Variants in RANBP2 observed in about 807,000 individuals in gnomAD.
RANBP2 encodes E3 SUMO-protein ligase RanBP2.
RANBP2 carries 57 observed loss-of-function variants against 303.6 expected under a neutral mutation model. The observed-to-expected ratio is 0.19, with a 90% CI of 0.15 to 0.23. The LOEUF is 0.23. Among genes scored for constraint, RANBP2 ranks in the 10% least tolerant of loss-of-function variants. The probability of loss-of-function intolerance (pLI) is 1.00; values close to 1 mark genes in which losing one functional copy is unlikely to be tolerated. For synonymous variants in RANBP2, 1,167 were observed against 1,301.5 expected, an observed-to-expected ratio of 0.90 and a Z score of 2.23; for missense variants, 3,138 against 3,780.8, an observed-to-expected ratio of 0.83 and a Z score of 4.46.
At chr2:109,714,824 G>A in the RANBP2 span, among the ~76,000 whole-genome samples, 1 of 151,826 alleles carries the variant, frequency 6.6e-6, no homozygotes, top group Non-Finnish European at 1.5e-5. Flanking sequence ...TGACCAGACT[G>A]GTCTCAAACT....
the RANBP2 span, among the ~76,000 whole-genome samples, chr2:109,180,951 A>G: frequency 6.6e-6 from 1 of 152,190 alleles, no homozygotes; most frequent in Non-Finnish European, 1.5e-5. Flanking sequence ...TTCTCCATGC[A>G]ATATGTTTAC....
the RANBP2 span, chr2:108,846,857 T>G: frequency 6.2e-7 from 1 of 1,613,750 alleles, no homozygotes; most frequent in South Asian, 1.1e-5. Flanking sequence ...CAAAGACAGC[T>G]GCTTTCTTTA....
the RANBP2 span, among the ~76,000 whole-genome samples, chr2:108,907,198 A>G: frequency 6.6e-6 from 1 of 152,220 alleles, no homozygotes; most frequent in Admixed American, 6.5e-5. Context: ...GCATAGAAGA[A>G]AAACGTTGTG....
chr2:108,744,903 A>C (rs114988570), intron 7 of RANBP2, among the ~76,000 whole-genome samples: 1 of 152,218 alleles, frequency 6.6e-6, no homozygotes, highest in African/African-American at 2.4e-5. Context: ...AAACACATAT[A>C]TATCTCCTGT....
rs374018619 is a variant in RANBP2, at chr2:108,750,550, A to T, written c.1274-714A>T. ...TATACCTCTTTATGCTTCCAGAAGCACATAACCTTTTCTTTTCTTTTCTTT... is the reference window on the plus strand; with the variant it reads ...TATACCTCTTTATGCTTCCAGAAGCTCATAACCTTTTCTTTTCTTTTCTTT... On this transcript the variant is annotated intron_variant, in intron 9 of 28. Coordinates refer to ENST00000283195, the MANE Select transcript of RANBP2 (RefSeq NM_006267.5). Among the ~76,000 whole-genome samples, 7 of 125,422 alleles carry T rather than the reference A, an allele frequency of 5.6e-5. No homozygotes were observed. The South Asian group carries it at 1.7e-3, about 31-fold the overall frequency. The allele number at this position is 125,422 out of a possible 152,430, so 82.3% of individuals were successfully genotyped here.
the RANBP2 span, among the ~76,000 whole-genome samples, chr2:109,316,825 T>G: frequency 1.3e-5 from 2 of 152,244 alleles, no homozygotes; most frequent in African/African-American, 4.8e-5. Flanking sequence ...GGCCTCACCC[T>G]CTGGCTGCCG....
the RANBP2 span, among the ~76,000 whole-genome samples, chr2:108,886,745 A>C: frequency 6.6e-6 from 1 of 152,048 alleles, no homozygotes; most frequent in East Asian, 1.9e-4. Context: ...ATTTAAAAAA[A>C]AAATTTAACT....
At chr2:108,777,772 G>A (rs1220938465) in intron 25 of RANBP2, among the ~76,000 whole-genome samples, 1 of 152,062 alleles carries the variant, frequency 6.6e-6, no homozygotes, top group African/African-American at 2.4e-5. Context: ...GTTTACTAGT[G>A]TAAGGCCATC....
At chr2:109,304,300 T>C in the RANBP2 span, among the ~76,000 whole-genome samples, 3 of 152,126 alleles carry the variant, frequency 2.0e-5, no homozygotes, top group East Asian at 5.8e-4. Flanking sequence ...TTCTAGGAGA[T>C]TGACTTTTTA....
chr2:109,419,584 G>A, the RANBP2 span: 1 of 1,597,922 alleles, frequency 6.3e-7, no homozygotes, highest in Non-Finnish European at 8.5e-7. Flanking sequence ...TGTCCCACGG[G>A]CTGCCTCGGT....
At chr2:109,399,912 ACTC>A in the RANBP2 span, among the ~76,000 whole-genome samples, 1 of 151,998 alleles carries the variant, frequency 6.6e-6, no homozygotes, top group Admixed American at 6.5e-5. Context: ...AATGGTGCCC[ACTC>A]CATTTCTCCC....
At chr2:109,343,677 T>A in the RANBP2 span, among the ~76,000 whole-genome samples, 41 of 151,664 alleles carry the variant, frequency 2.7e-4, no homozygotes, top group Admixed American at 9.2e-4. Flanking sequence ...TTACCACCTG[T>A]GGAGAGGTGG....
the RANBP2 span, among the ~76,000 whole-genome samples, chr2:108,949,686 C>T: frequency 6.6e-6 from 1 of 152,150 alleles, no homozygotes. Context: ...AACTAATCAT[C>T]CAACCAGAGA....
At chr2:109,173,961 T>A in the RANBP2 span, among the ~76,000 whole-genome samples, 9 of 152,258 alleles carry the variant, frequency 5.9e-5, no homozygotes, top group Admixed American at 5.9e-4. Context: ...GGGTTCAGGC[T>A]GTGGGCACTG....
At chr2:109,347,861 T>C in the RANBP2 span, 1 of 1,613,622 alleles carries the variant, frequency 6.2e-7, no homozygotes, top group South Asian at 1.1e-5. Context: ...ATCCAGCCCT[T>C]GCCACACGCC....
the RANBP2 span, chr2:108,885,559 T>C: frequency 6.6e-6 from 1 of 152,218 alleles, no homozygotes; most frequent in East Asian, 1.9e-4. Flanking sequence ...TTTGTACAAA[T>C]CTATGGGATA....
At chr2:108,961,306 C>A in the RANBP2 span, among the ~76,000 whole-genome samples, 2 of 151,968 alleles carry the variant, frequency 1.3e-5, no homozygotes, top group Non-Finnish European at 2.9e-5. Flanking sequence ...AGACACACTG[C>A]AGCCTGGAGG....
chr2:109,419,579 C>G, the RANBP2 span: 1 of 1,598,744 alleles, frequency 6.3e-7, no homozygotes, highest in East Asian at 2.3e-5. Context: ...ACGGCTGTCC[C>G]ACGGGCTGCC....
At chr2:108,832,005 T>G in the RANBP2 span, among the ~76,000 whole-genome samples, 1 of 151,918 alleles carries the variant, frequency 6.6e-6, no homozygotes, top group East Asian at 1.9e-4. Context: ...AGTGCTGGGA[T>G]TACAAGCGTG....
Sources: allele counts gnomAD v4.1 joint callset (sites outside exome capture counted in the v4.1 genomes callset), GRCh38; gene constraint gnomAD v4.1.1; transcripts MANE v1.5; gene names NCBI Gene and HGNC (gene_info 2026-07-23, HGNC 2026-07-21).